Variants in COIL observed in about 807,000 individuals in gnomAD.
COIL encodes the protein coilin p80.
A neutral mutation model predicts 51.6 loss-of-function variants in COIL; 28 were observed. The observed-to-expected ratio is 0.54, with a 90% CI of 0.40 to 0.74. The LOEUF (loss-of-function observed/expected upper bound fraction) is 0.74, where lower values mean the gene tolerates loss of function less well. Among genes scored for constraint, COIL ranks in the 30% least tolerant of loss-of-function variants. The pLI, the probability that COIL is intolerant of heterozygous loss-of-function variation, is 0.00. For missense variants in COIL, 667 were observed against 685.9 expected, an observed-to-expected ratio of 0.97 and a Z score of 0.31; for synonymous variants, 233 against 255.8, an observed-to-expected ratio of 0.91 and a Z score of 0.85.
At chr17:56,956,909 T>C (rs533242534) in intron 1 of COIL, among the ~76,000 whole-genome samples, 31 of 152,260 alleles carry the variant, frequency 2.0e-4, no homozygotes, top group African/African-American at 7.2e-4. Flanking sequence ...CAAGTATTAA[T>C]TGCCAGAGTT....
chr17:56,951,932 C>T (rs1000290689), intron 1 of COIL, among the ~76,000 whole-genome samples: 1 of 151,972 alleles, frequency 6.6e-6, no homozygotes, highest in African/African-American at 2.4e-5. Context: ...TCCCAAATAG[C>T]TGGAATTACA....
chr17:56,955,453 C>G (rs1910465549), intron 1 of COIL, among the ~76,000 whole-genome samples: 1 of 152,242 alleles, frequency 6.6e-6, no homozygotes, highest in South Asian at 2.1e-4. Flanking sequence ...AATTTACTGT[C>G]TAGGATTCTG....
In COIL at chr17:56,960,819, G is replaced by A. The variant is rs1446098518; in HGVS notation, c.201C>T (p.Pro67=). The A allele has an allele frequency of 2.5e-6, 4 of 1,591,938 alleles. No homozygotes were observed. Among genetic ancestry groups the A allele is most frequent in the East Asian group, 4.6e-5 (2 of 43,208 alleles). Residue 67 remains proline (P), a synonymous_variant, in exon 1 of 7, where the codon CCC becomes CCT. Transcript: ENST00000240316. ...LGLYLEGGLL[P]PAESARLVRD... is the part of the protein sequence containing the mutation. ...TCACAAGGCGCGCGCTCTCGGCGGGGGGCAAGAGCCCCCCCTCCAGGTAGA... is the reference window on the plus strand; with the variant it reads ...TCACAAGGCGCGCGCTCTCGGCGGGAGGCAAGAGCCCCCCCTCCAGGTAGA...
chr17:56,942,681 A>C (rs925309773), intron 5 of COIL, among the ~76,000 whole-genome samples: 20 of 152,230 alleles, frequency 1.3e-4, no homozygotes, highest in African/African-American at 4.8e-4. Context: ...ATGCCCAGCT[A>C]ATTTTTGTAT....
rs558836842 is a variant in COIL, at chr17:56,946,285, A to G, written c.1558+157T>C. On this transcript the variant is annotated intron_variant, in intron 5 of 6. Coordinates refer to ENST00000240316, the MANE Select transcript of COIL (RefSeq NM_004645.3). The stretch of plus-strand genomic sequence containing the variant: ...CCAACAGCTTTGGAATATATCCAAC[A>G]TCTCTTATGAGCCCCCAGGGCTAAA... Among the ~76,000 whole-genome samples the G allele has an allele frequency of 3.9e-5, 6 of 152,342 alleles. No individual in the cohort carries two copies. The South Asian group carries it at 1.0e-3, about 26-fold the overall frequency.
At chr17:56,958,546 T>C (rs1047164029) in intron 1 of COIL, among the ~76,000 whole-genome samples, 2 of 152,248 alleles carry the variant, frequency 1.3e-5, no homozygotes, top group African/African-American at 4.8e-5. Flanking sequence ...CCTGTCATCG[T>C]GTTGTAATTA....
At chr17:56,948,282 C>A (rs1394460316) in intron 4 of COIL, among the ~76,000 whole-genome samples, 1 of 151,702 alleles carries the variant, frequency 6.6e-6, no homozygotes, top group East Asian at 1.9e-4. Flanking sequence ...CTACAGGCAC[C>A]CGCCACCATG....
At chr17:56,949,140 T>C (rs542472884) in intron 4 of COIL, among the ~76,000 whole-genome samples, 2 of 152,080 alleles carry the variant, frequency 1.3e-5, no homozygotes, top group African/African-American at 4.8e-5. Context: ...ATATTTTTTT[T>C]AAAAAAGTAA....
chr17:56,948,236 G>A (rs1231265292), intron 4 of COIL, among the ~76,000 whole-genome samples: 2 of 148,234 alleles, frequency 1.3e-5, no homozygotes, highest in African/African-American at 2.5e-5. Flanking sequence ...CCGGGTTCAC[G>A]CCATTCTCCT....
chr17:56,950,568 T>C lies in COIL; in HGVS notation c.674A>G (p.Asn225Ser). ...RCSSPKGSAR[N>S]SLVKAKRKGS... ...TTTCCTTTTGGCTTTAACAAGGCTG[T>C]TTCTAGCAGAACCTTTTGGAGAACT... The change falls in exon 2 of 7, where the codon AAC becomes AGC. Residue 225 changes from asparagine to serine, a missense_variant. Physicochemically the swap from Asn to Ser is conservative, Grantham distance 46. Transcript: ENST00000240316. 6.2e-7 allele frequency: 1 copy of C among 1,614,236 alleles called. No individual in the cohort carries two copies. The highest frequency in any genetic ancestry group is 8.5e-7 in the Non-Finnish European group (1 of 1,180,046).
At chr17:56,941,890 G>A (rs111571100) in intron 6 of COIL, 145 bp downstream of exon 6, 6 of 644,470 alleles carry the variant, frequency 9.3e-6, no homozygotes, top group South Asian at 5.6e-5. Flanking sequence ...CCAAGATGGC[G>A]CCCTGATTTG....
intron 1 of COIL, among the ~76,000 whole-genome samples, chr17:56,955,497 A>C (rs1910466531): frequency 6.6e-6 from 1 of 152,160 alleles, no homozygotes; most frequent in Non-Finnish European, 1.5e-5. Flanking sequence ...CATCTGTCCA[A>C]CCTGATGCTC....
At chr17:56,947,200 T>A (rs1263897272) in intron 4 of COIL, among the ~76,000 whole-genome samples, 1 of 152,124 alleles carries the variant, frequency 6.6e-6, no homozygotes, top group Non-Finnish European at 1.5e-5. Context: ...AGTCAACAGT[T>A]TTTTTTAAAA....
At chr17:56,955,591 C>A (rs34106884) in intron 1 of COIL, among the ~76,000 whole-genome samples, 1 of 152,114 alleles carries the variant, frequency 6.6e-6, no homozygotes, top group Non-Finnish European at 1.5e-5. Context: ...AAAATCATTA[C>A]CTCAGCCTTT....
At chr17:56,953,686 G>A (rs1910427452) in intron 1 of COIL, among the ~76,000 whole-genome samples, 1 of 152,132 alleles carries the variant, frequency 6.6e-6, no homozygotes, top group Admixed American at 6.5e-5. Flanking sequence ...TATGTGACAA[G>A]CATTCTTTAA....
intron 1 of COIL, among the ~76,000 whole-genome samples, chr17:56,959,294 T>G (rs1026833319): frequency 6.6e-6 from 1 of 151,916 alleles, no homozygotes; most frequent in African/African-American, 2.4e-5. Flanking sequence ...CAGCAAGCTA[T>G]GATCGTACCA....
intron 1 of COIL, among the ~76,000 whole-genome samples, chr17:56,955,310 G>A (rs1056704430): frequency 4.6e-5 from 7 of 152,092 alleles, no homozygotes; most frequent in African/African-American, 1.4e-4. Flanking sequence ...TGATTCGCCC[G>A]CCTCGGCCTC....
intron 1 of COIL, chr17:56,951,974 T>C (rs1910381876): frequency 5.4e-6 from 1 of 184,896 alleles, no homozygotes; most frequent in Non-Finnish European, 1.1e-5. Context: ...CTAATTTTTG[T>C]ATTTTTAGTA....
intron 4 of COIL, among the ~76,000 whole-genome samples, chr17:56,949,135 T>C (rs1910306269): frequency 6.6e-6 from 1 of 152,096 alleles, no homozygotes; most frequent in Admixed American, 6.6e-5. Flanking sequence ...TTAATATATT[T>C]TTTTTAAAAA....
Sources: gnomAD v4.1 joint callset for allele counts (sites outside exome capture counted in the v4.1 genomes callset) on GRCh38, gnomAD v4.1.1 for gene constraint, MANE v1.5 for transcripts, NCBI Gene and HGNC (gene_info 2026-07-23, HGNC 2026-07-21) for gene names.